The following ERC2 variants were observed in gnomAD, a reference collection of about 807,000 sequenced individuals.
ERC2 encodes the protein ELKS/RAB6-interacting/CAST family member 2.
In ERC2, 42 loss-of-function variants were observed where a neutral mutation model predicts 114.8. The ratio of observed to expected loss-of-function variants is 0.37; its 90% confidence interval spans 0.29 to 0.47. ERC2 has a LOEUF of 0.47. Among genes scored for constraint, ERC2 ranks in the 20% least tolerant of loss-of-function variants. The probability of loss-of-function intolerance (pLI) is 0.99; values close to 1 mark genes in which losing one functional copy is unlikely to be tolerated. For synonymous variants in ERC2, 454 were observed against 425.5 expected (o/e 1.07, Z -0.82); for missense variants, 939 against 1,150.7 (o/e 0.82, Z 2.66).
chr3:56,129,717 A>C (rs1431516639), intron 6 of ERC2, among the ~76,000 whole-genome samples: 1 of 152,218 alleles, frequency 6.6e-6, no homozygotes, highest in African/African-American at 2.4e-5. Flanking sequence ...TATTATAGAC[A>C]ATGACTTTTT....
intron 7 of ERC2, among the ~76,000 whole-genome samples, chr3:56,038,689 C>T (rs1160628836): frequency 6.6e-6 from 1 of 152,130 alleles, no homozygotes; most frequent in African/African-American, 2.4e-5. Context: ...AACCCAAATG[C>T]CCATCAGTGA....
At chr3:55,969,707 C>T (rs1332261198) in intron 12 of ERC2, among the ~76,000 whole-genome samples, 2 of 152,194 alleles carry the variant, frequency 1.3e-5, no homozygotes, top group African/African-American at 4.8e-5. Context: ...TAGAGCCACA[C>T]AGAAGGCTGT....
At chr3:56,243,197 G>A (rs572718556) in intron 3 of ERC2, among the ~76,000 whole-genome samples, 1 of 152,220 alleles carries the variant, frequency 6.6e-6, no homozygotes, top group Non-Finnish European at 1.5e-5. Flanking sequence ...GTAATTTCAA[G>A]GCATCAGTCA....
chr3:56,054,433 G>A (rs2075911269), intron 7 of ERC2, among the ~76,000 whole-genome samples: 1 of 152,134 alleles, frequency 6.6e-6, no homozygotes, highest in African/African-American at 2.4e-5. Flanking sequence ...GGAACATGAT[G>A]GGAATACAGC....
chr3:56,049,608 AG>A (rs751231442), intron 7 of ERC2, among the ~76,000 whole-genome samples: 1 of 152,162 alleles, frequency 6.6e-6, no homozygotes, highest in Non-Finnish European at 1.5e-5. Context: ...GATATAAAGC[AG>A]GCAGAAAAAC....
intron 17 of ERC2, among the ~76,000 whole-genome samples, chr3:55,585,145 C>T (rs59732928): frequency 0.012 from 1,902 of 152,280 alleles, 47 homozygotes; most frequent in African/African-American, 0.043. Context: ...CAAACAGTGC[C>T]ATCCATTCGG....
rs1318853359 is a variant in ERC2 at position 56,429,255 on chromosome 3, C to A, written c.657+5096G>T. Among the ~76,000 whole-genome samples, 5 of 152,124 alleles carry A rather than the reference C, an allele frequency of 3.3e-5. No homozygotes were observed. The East Asian group carries it at 9.7e-4, about 29-fold the overall frequency. On this transcript the variant is annotated intron_variant, in intron 2 of 17. Coordinates refer to ENST00000288221, the MANE Select transcript of ERC2 (RefSeq NM_015576.3). ...TTTACTTCCCAACAGTTGTATCCAC[C>A]CTCTCATCAGCCCTGCCCCCCATAA...
rs71294729 is a variant in ERC2, at chr3:56,368,185, TAAAAAA to T, written c.657+66160_657+66165del. ...AAAGTTGAAATTATTCTTTTTTTTTTAAAAAAAAAAAAAAAGCAAATGTAGACCAGC... is the reference window on the plus strand; with the variant it reads ...AAAGTTGAAATTATTCTTTTTTTTTTAAAAAAAAAGCAAATGTAGACCAGC... On this transcript the variant is annotated intron_variant, in intron 2 of 17. Transcript: ENST00000288221. 2.9e-5 allele frequency among the ~76,000 whole-genome samples: 4 copies of T among 137,788 alleles called. No individual in the cohort carries two copies. The South Asian group carries it at 8.9e-4, about 31-fold the overall frequency. The allele number at this position is 137,788 out of a possible 152,430, so 90.4% of individuals were successfully genotyped here.
intron 14 of ERC2, among the ~76,000 whole-genome samples, chr3:55,860,143 T>C (rs181405472): frequency 2.0e-4 from 31 of 152,238 alleles, no homozygotes; most frequent in Non-Finnish European, 3.5e-4. Flanking sequence ...TCTGCCCCAG[T>C]GATGTTATAA....
chr3:55,734,995 T>A, intron 14 of ERC2, 77 bp from the exon 15 acceptor site: 2 of 1,386,588 alleles, frequency 1.4e-6, no homozygotes, highest in Non-Finnish European at 1.9e-6. Flanking sequence ...ATAGTTGAAA[T>A]GAACCACAGA....
chr3:56,163,656 T>G (rs2082171658), intron 4 of ERC2, among the ~76,000 whole-genome samples: 1 of 152,156 alleles, frequency 6.6e-6, no homozygotes, highest in Admixed American at 6.6e-5. Flanking sequence ...AAAAGTCTGT[T>G]TTATCCAACA....
At chr3:55,805,029 C>A (rs1442814803) in intron 14 of ERC2, among the ~76,000 whole-genome samples, 1 of 152,012 alleles carries the variant, frequency 6.6e-6, no homozygotes, top group African/African-American at 2.4e-5. Context: ...TAGCCCTCCA[C>A]CTTCAAACAG....
intron 16 of ERC2, among the ~76,000 whole-genome samples, chr3:55,695,603 G>A (rs576490089): frequency 1.3e-5 from 2 of 152,238 alleles, no homozygotes; most frequent in Non-Finnish European, 2.9e-5. Flanking sequence ...TGGGTTATTG[G>A]TGGGATCACT....
In ERC2 at chr3:55,601,661, T is replaced by C. The variant is rs146575647; in HGVS notation, c.*39+82133A>G. Among the ~76,000 whole-genome samples, 1,101 of 152,170 alleles carry C rather than the reference T, an allele frequency of 7.2e-3. 10 individuals are homozygous for C. Among genetic ancestry groups the C allele is most frequent in the South Asian group, 0.025 (120 of 4,810 alleles). On this transcript the variant is annotated intron_variant, in intron 17 of 17. Transcript: ENST00000288221. ...GGTAGCCTGGACTATCACTCCTAAATAAGAGAAGGATAAAGAGCCGGGGAG... is the reference window on the plus strand; with the variant it reads ...GGTAGCCTGGACTATCACTCCTAAACAAGAGAAGGATAAAGAGCCGGGGAG...
At chr3:56,092,607 A>G (rs926840028) in intron 6 of ERC2, among the ~76,000 whole-genome samples, 2 of 152,218 alleles carry the variant, frequency 1.3e-5, no homozygotes, top group African/African-American at 4.8e-5. Flanking sequence ...CTATAAAACT[A>G]TAGCTGTCAT....
At chr3:56,063,082 T>G (rs984465529) in intron 7 of ERC2, among the ~76,000 whole-genome samples, 5 of 152,228 alleles carry the variant, frequency 3.3e-5, no homozygotes, top group East Asian at 1.9e-4. Flanking sequence ...TGAGTTTCAA[T>G]GCATTATGCT....
intron 14 of ERC2, among the ~76,000 whole-genome samples, chr3:55,795,927 G>A (rs1280066881): frequency 6.6e-6 from 1 of 152,228 alleles, no homozygotes; most frequent in Non-Finnish European, 1.5e-5. Flanking sequence ...TACAGTCAGA[G>A]CACACAGGGT....
intron 5 of ERC2, among the ~76,000 whole-genome samples, chr3:56,143,261 G>T (rs942729068): frequency 1.3e-5 from 2 of 152,152 alleles, no homozygotes; most frequent in Non-Finnish European, 2.9e-5. Context: ...TTTCTTCAGT[G>T]TCCTTGTGGC....
intron 14 of ERC2, among the ~76,000 whole-genome samples, chr3:55,873,202 G>T (rs1029236078): frequency 1.3e-5 from 2 of 152,130 alleles, no homozygotes; most frequent in South Asian, 4.1e-4. Context: ...TGCAGAGTGG[G>T]CAGGAAGAAA....
Sources: allele counts gnomAD v4.1 joint callset (sites outside exome capture counted in the v4.1 genomes callset), GRCh38; gene constraint gnomAD v4.1.1; transcripts MANE v1.5; gene names NCBI Gene and HGNC (gene_info 2026-07-23, HGNC 2026-07-21).